The following MCOLN2 variants were observed in gnomAD, a reference collection of about 807,000 sequenced individuals.
MCOLN2 encodes mucolipin TRP cation channel 2.
MCOLN2 carries 57 observed loss-of-function variants against 67.5 expected under a neutral mutation model. The observed-to-expected ratio is 0.84, with a 90% confidence interval of 0.68 to 1.05. MCOLN2 has a LOEUF of 1.05. Ranked by LOEUF, MCOLN2 falls within the 50% of genes least tolerant of loss-of-function variation. The pLI is 0.00. For missense variants in MCOLN2, 620 were observed against 678.8 expected (o/e 0.91, Z 0.96); for synonymous variants, 246 against 233.3 (o/e 1.05, Z -0.50).
chr1:84,946,014 G>T (rs534793247), intron 7 of MCOLN2, among the ~76,000 whole-genome samples: 1 of 152,288 alleles, frequency 6.6e-6, no homozygotes, highest in African/African-American at 2.4e-5. Flanking sequence ...CTCCCAAAGT[G>T]CTGGGATTAC....
intron 1 of MCOLN2, among the ~76,000 whole-genome samples, chr1:84,992,939 A>G (rs1650961177): frequency 6.6e-6 from 1 of 152,198 alleles, no homozygotes; most frequent in South Asian, 2.1e-4. Context: ...GAAGACAACA[A>G]TGAAGTCTGA....
intron 11 of MCOLN2, among the ~76,000 whole-genome samples, chr1:84,936,070 G>C (rs1329382262): frequency 6.6e-6 from 1 of 152,180 alleles, no homozygotes; most frequent in Non-Finnish European, 1.5e-5. Flanking sequence ...CCACTTTCTA[G>C]CTGGGTAATC....
At chr1:84,991,631 A>G (rs1283551960) in intron 1 of MCOLN2, among the ~76,000 whole-genome samples, 2 of 152,174 alleles carry the variant, frequency 1.3e-5, no homozygotes, top group Non-Finnish European at 2.9e-5. Context: ...TTCATTTTCC[A>G]TTAGAGCCAC....
intron 4 of MCOLN2, among the ~76,000 whole-genome samples, chr1:84,955,747 T>C (rs900623161): frequency 4.0e-5 from 6 of 151,890 alleles, no homozygotes; most frequent in South Asian, 2.1e-4. Context: ...AATGGGGAAA[T>C]TGGCAACTTC....
intron 1 of MCOLN2, among the ~76,000 whole-genome samples, chr1:84,985,076 A>G (rs145209382): frequency 1.6e-4 from 25 of 152,114 alleles, no homozygotes; most frequent in African/African-American, 5.8e-4. Context: ...AAACTTCTAC[A>G]TGGTCATATT....
chr1:84,940,881 T>C lies in MCOLN2; in HGVS notation c.958A>G (p.Lys320Glu), dbSNP rs750316090. ...RSIVLALRLR[K>E]RFLNFFLEKY... ...AGAGAATGCGAACACACTCTTACCT[T>C]CCGTAACCTTAGAGCAAGAACAATG... The change falls in exon 8 of 14, where the codon AAG becomes GAG. Residue 320 changes from lysine (K) to glutamate (E), a missense_variant and splice_region_variant. Coordinates refer to ENST00000370608, the MANE Select transcript of MCOLN2 (RefSeq NM_153259.4). 1 of 1,608,696 alleles carries C rather than the reference T, an allele frequency of 6.2e-7. No individual in the cohort carries two copies. The highest frequency in any genetic ancestry group is 1.1e-5 in the South Asian group (1 of 90,294).
chr1:84,979,890 T>C (rs1461425252), intron 1 of MCOLN2, among the ~76,000 whole-genome samples: 1 of 152,200 alleles, frequency 6.6e-6, no homozygotes, highest in African/African-American at 2.4e-5. Flanking sequence ...ATATTATCCT[T>C]GTTTGTAGAT....
chr1:84,989,142 A>G (rs1203811904), intron 1 of MCOLN2, among the ~76,000 whole-genome samples: 1 of 152,230 alleles, frequency 6.6e-6, no homozygotes, highest in Non-Finnish European at 1.5e-5. Flanking sequence ...ATAGCCCAGC[A>G]TACAGCATAG....
intron 1 of MCOLN2, among the ~76,000 whole-genome samples, chr1:84,981,904 C>A (rs1403744173): frequency 1.3e-5 from 2 of 152,036 alleles, no homozygotes; most frequent in Admixed American, 6.6e-5. Context: ...ATGCCTGTAT[C>A]AAAACATCTG....
At position 84,956,457 on chromosome 1, in the gene MCOLN2, A is replaced by G. The variant is rs1648797326; in HGVS notation, c.539T>C (p.Leu180Pro). The G allele has an allele frequency of 6.2e-7, 1 of 1,611,532 alleles. No individual in the cohort carries two copies. Among genetic ancestry groups the G allele is most frequent in the Non-Finnish European group, 8.5e-7 (1 of 1,179,204 alleles). ...KGTMFPSNET[L>P]NIDNDVELDC... ...GAGCTCAACGTCGTTGTCAATATTC[A>G]GTGTCTCATTAGAAGGAAACATGGT... Residue 180 changes from leucine (L) to proline (P), a missense_variant, in exon 4 of 14, where the codon CTG becomes CCG. By Grantham distance (98) the Leu-to-Pro change is moderately conservative. Transcript: ENST00000370608.
chr1:84,947,306 C>CCA (rs59818609), intron 6 of MCOLN2, among the ~76,000 whole-genome samples, 174 bp from the exon 7 acceptor site: 2,537 of 141,004 alleles, frequency 0.018, 37 homozygotes, highest in South Asian at 0.051. Context: ...GCACCCCCCA[C>CCA]CACACACACA....
At chr1:84,952,380 T>A in intron 5 of MCOLN2, 41 bp from the exon 6 acceptor site, 2 of 1,570,574 alleles carry the variant, frequency 1.3e-6, no homozygotes, top group Non-Finnish European at 1.8e-6. Context: ...GTCATAATCT[T>A]ACTATATACT....
chr1:84,960,261 T>G (rs1052558751), intron 2 of MCOLN2, among the ~76,000 whole-genome samples: 7 of 152,212 alleles, frequency 4.6e-5, no homozygotes, highest in African/African-American at 1.4e-4. Context: ...ATGAAAATGT[T>G]ACTACTGTTA....
At chr1:84,954,673 G>A (rs1648685972) in intron 4 of MCOLN2, among the ~76,000 whole-genome samples, 1 of 152,188 alleles carries the variant, frequency 6.6e-6, no homozygotes. Flanking sequence ...GTGCACTGAG[G>A]AGGTTGACCT....
chr1:84,966,128 T>C (rs1481163974), intron 1 of MCOLN2, among the ~76,000 whole-genome samples: 1 of 152,062 alleles, frequency 6.6e-6, no homozygotes, highest in Non-Finnish European at 1.5e-5. Flanking sequence ...GGCGGGCACC[T>C]GTAATCTCAG....
At chr1:84,973,436 C>T (rs1649843935) in intron 1 of MCOLN2, among the ~76,000 whole-genome samples, 1 of 152,118 alleles carries the variant, frequency 6.6e-6, no homozygotes, top group African/African-American at 2.4e-5. Flanking sequence ...TATGATTTTG[C>T]CACTGCACTC....
chr1:84,996,287 C>T (rs1651142416), intron 1 of MCOLN2, among the ~76,000 whole-genome samples: 1 of 151,702 alleles, frequency 6.6e-6, no homozygotes, highest in Admixed American at 6.6e-5. Context: ...CCACCTTTCT[C>T]TTACTAACCT....
intron 1 of MCOLN2, among the ~76,000 whole-genome samples, chr1:84,984,071 A>G (rs1650390106): frequency 6.6e-6 from 1 of 152,160 alleles, no homozygotes; most frequent in Admixed American, 6.5e-5. Context: ...TTTAGCTCTT[A>G]TATCTGCTCC....
chr1:84,941,484 G>A (rs978797499), intron 7 of MCOLN2, among the ~76,000 whole-genome samples: 8 of 152,160 alleles, frequency 5.3e-5, no homozygotes, highest in Non-Finnish European at 7.3e-5. Context: ...GCAACAGAGC[G>A]AGATTCTGTC....
Sources: allele counts gnomAD v4.1 joint callset (sites outside exome capture counted in the v4.1 genomes callset), GRCh38; gene constraint gnomAD v4.1.1; transcripts MANE v1.5; gene names NCBI Gene and HGNC (gene_info 2026-07-23, HGNC 2026-07-21).